GIMAP2: variants seen among roughly 807,000 people sequenced by gnomAD.
GIMAP2 encodes GTPase IMAP family member 2.
In GIMAP2, 22 loss-of-function variants were observed where a neutral mutation model predicts 25.5. That is an observed-to-expected ratio of 0.86 (90% confidence interval 0.62 to 1.23). The LOEUF is 1.23. Ranked by LOEUF, GIMAP2 falls within the 50% of genes most tolerant of loss-of-function variation. The pLI, the probability that GIMAP2 is intolerant of heterozygous loss-of-function variation, is 0.00. For synonymous variants in GIMAP2, 167 were observed against 143.0 expected (o/e 1.17, Z -1.20); for missense variants, 422 against 395.7 (o/e 1.07, Z -0.56).
Position 150,692,807 on chromosome 7 carries a change from C to T in GIMAP2, c.521C>T (p.Ala174Val), listed in dbSNP as rs756154784. Residue 174 changes from alanine to valine, a missense_variant, in exon 3 of 3, where the codon GCA (alanine) becomes GTA (valine). By Grantham distance (64) the Ala-to-Val change is moderately conservative (BLOSUM62 0). Coordinates refer to ENST00000223293, the MANE Select transcript of GIMAP2 (RefSeq NM_015660.3). ...AAAGCCCTAAGCAAGCTGGTGGCAG[C>T]ATGTGGTGGGCGAATCTGTGCCTTT... is the stretch of plus-strand genomic sequence containing the variant. Reference protein sequence around the residue: ...DNKALSKLVAACGGRICAFNN... With the variant: ...DNKALSKLVAVCGGRICAFNN... 1.2e-6 allele frequency: 2 copies of T among 1,614,196 alleles called. No homozygotes were observed. The highest frequency in any genetic ancestry group is 4.5e-5 in the East Asian group (2 of 44,872).
chr7:150,687,847 T>C (rs1339593344), intron 2 of GIMAP2, among the ~76,000 whole-genome samples: 1 of 148,832 alleles, frequency 6.7e-6, no homozygotes, highest in African/African-American at 2.5e-5. Context: ...TATGGGCGTC[T>C]CTCTCTCTGT....
At chr7:150,690,349 C>T (rs1585207444) in intron 2 of GIMAP2, among the ~76,000 whole-genome samples, 2 of 152,254 alleles carry the variant, frequency 1.3e-5, no homozygotes, top group South Asian at 2.1e-4. Context: ...CTCTGGCAAG[C>T]GAAGTTTTCC....
Position 150,693,067 on chromosome 7 carries a change from T to G in GIMAP2, c.781T>G (p.Cys261Gly), listed in dbSNP as rs1444971593. The change falls in exon 3 of 3, where the codon TGC (cysteine) becomes GGC (glycine). Residue 261 changes from cysteine to glycine, a missense_variant. Coordinates refer to ENST00000223293, the MANE Select transcript of GIMAP2 (RefSeq NM_015660.3). Reference sequence around the variant, plus strand: ...TTACACAGCCTTGGCTGAAGCAAACTGCCTAAAAGGAGCCTTAATCAAAAC... The same window carrying G: ...TTACACAGCCTTGGCTGAAGCAAACGGCCTAAAAGGAGCCTTAATCAAAAC... ...RSYTALAEAN[C>G]LKGALIKTQL... 1 of 1,614,032 alleles carries G rather than the reference T, an allele frequency of 6.2e-7. No individual in the cohort carries two copies. The highest frequency in any genetic ancestry group is 1.3e-5 in the African/African-American group (1 of 74,942).
chr7:150,692,739 C>T lies in GIMAP2; in HGVS notation c.453C>T (p.Leu151=), dbSNP rs1350905728. ...TIVLFTHKED[L]NGGSLMDYMH... ...TCCTCTTTACCCACAAGGAAGACCT[C>T]AATGGTGGCTCCCTGATGGATTACA... is the stretch of plus-strand genomic sequence containing the variant. Residue 151 remains leucine (L), a synonymous_variant, in exon 3 of 3, where the codon CTC becomes CTT. Coordinates refer to ENST00000223293, the MANE Select transcript of GIMAP2 (RefSeq NM_015660.3). 2 of 1,614,180 alleles carry T rather than the reference C, an allele frequency of 1.2e-6. No individual in the cohort carries two copies. The highest frequency in any genetic ancestry group is 1.1e-5 in the South Asian group (1 of 91,084).
At chr7:150,689,580 T>C (rs552099451) in intron 2 of GIMAP2, 2 of 702,226 alleles carry the variant, frequency 2.8e-6, no homozygotes, top group Admixed American at 2.0e-5. Flanking sequence ...TTTCAGAATA[T>C]AGAAATGTGT....
At position 150,693,263 on chromosome 7, in the gene GIMAP2, C is replaced by G. The variant is rs746278222; in HGVS notation, c.977C>G (p.Thr326Arg). ...IPKKLMIFLRTVIRLERKTPR... is the reference protein window; with the variant it reads ...IPKKLMIFLRRVIRLERKTPR... Reference sequence around the variant, plus strand: ...AAAAAGTTAATGATATTTTTGAGAACAGTTATTAGACTAGAACGCAAGACT... The same window carrying G: ...AAAAAGTTAATGATATTTTTGAGAAGAGTTATTAGACTAGAACGCAAGACT... The change falls in exon 3 of 3, where the codon ACA (threonine) becomes AGA (arginine). Residue 326 changes from threonine to arginine, a missense_variant. Physicochemically the swap from Thr to Arg is moderately conservative, Grantham distance 71. Coordinates refer to ENST00000223293, the MANE Select transcript of GIMAP2 (RefSeq NM_015660.3). 4.2e-5 allele frequency: 67 copies of G among 1,593,252 alleles called. No individual in the cohort carries two copies. Among genetic ancestry groups the G allele is most frequent in the African/African-American group, 5.4e-5 (4 of 74,376 alleles).
rs1860871 is a variant in GIMAP2 at position 150,692,505 on chromosome 7, T to C, written c.219T>C (p.Ile73=). 0.091 allele frequency: 146,142 copies of C among 1,613,990 alleles called. 7,128 individuals are homozygous for C. The highest frequency in any genetic ancestry group is 0.18 in the East Asian group (8,211 of 44,860). ...AGGGAAGCTGGGGAAATAGAGAGAT[T>C]GTCATTATTGACACACCAGATATGT... The part of the protein sequence containing the change: ...KSQGSWGNRE[I]VIIDTPDMFS... The change falls in exon 3 of 3, where the codon ATT becomes ATC. Residue 73 remains isoleucine (I), a synonymous_variant. Coordinates refer to ENST00000223293, the MANE Select transcript of GIMAP2 (RefSeq NM_015660.3).
intron 2 of GIMAP2, among the ~76,000 whole-genome samples, chr7:150,691,721 A>T (rs1665692163): frequency 6.6e-6 from 1 of 152,090 alleles, no homozygotes; most frequent in African/African-American, 2.4e-5. Context: ...TCTCCAGAAA[A>T]CTTTTCTTCT....
intron 2 of GIMAP2, among the ~76,000 whole-genome samples, chr7:150,688,146 G>A (rs1025163543): frequency 6.6e-5 from 10 of 152,030 alleles, no homozygotes; most frequent in Non-Finnish European, 1.3e-4. Context: ...TTGCGGGGTG[G>A]AGGGAATGGA....
At position 150,685,755 on chromosome 7, in the gene GIMAP2, G is replaced by A. The variant is rs1796893620; in HGVS notation, c.-39G>A. 20 of 984,414 alleles carry A rather than the reference G, an allele frequency of 2.0e-5. No homozygotes were observed. Among genetic ancestry groups the A allele is most frequent in the African/African-American group, 8.7e-5 (5 of 57,300 alleles). The allele number at this position is 984,414 out of a possible 1,614,324, so 61.0% of individuals were successfully genotyped here. ...CTATAAGACAACAGGACTGAACAGG[G>A]AGCCAACTGTTTCTTTGAACAGTAA... On this transcript the variant is annotated 5_prime_UTR_variant, in exon 1 of 3. Transcript: ENST00000223293.
rs35656746 is a variant in GIMAP2 at position 150,687,105 on chromosome 7, C to CGTGTGTGTGTGTGTGT, written c.28+53_28+68dup. Reference sequence around the variant, plus strand: ...TCACTGGGGTAAGAAGGTGACTTCACGTGTGTGTGTGTGTGTGTGTGTGTG... The same window carrying CGTGTGTGTGTGTGTGT: ...TCACTGGGGTAAGAAGGTGACTTCACGTGTGTGTGTGTGTGTGTGTGTGTGTGTGTGTGTGTGTGTG... On this transcript the variant is annotated intron_variant, in intron 2 of 2. Transcript: ENST00000223293. 1.0e-4 allele frequency: 127 copies of CGTGTGTGTGTGTGTGT among 1,269,326 alleles called. No individual in the cohort carries two copies. In the African/African-American group the frequency reaches 2.0e-3, roughly 20 times the overall value. The allele number at this position is 1,269,326 out of a possible 1,614,324, so 78.6% of individuals were successfully genotyped here. A position where few individuals can be genotyped will look rare whatever the true frequency, so the allele number is the denominator to read the frequency against.
chr7:150,689,655 T>A, intron 2 of GIMAP2: 1 of 646,476 alleles, frequency 1.5e-6, no homozygotes. Context: ...GGCCATAATT[T>A]CACTGGCCTA....
In GIMAP2 at chr7:150,692,355, G is replaced by A. The variant is rs1796976032; in HGVS notation, c.69G>A (p.Leu23=). The A allele has an allele frequency of 6.2e-7, 1 of 1,614,068 alleles. No individual in the cohort carries two copies. The highest frequency in any genetic ancestry group is 8.5e-7 in the Non-Finnish European group (1 of 1,180,016). ...AKGQCASRSE[L]RIILVGKTGT... The stretch of plus-strand genomic sequence containing the variant: ...GCCAATGTGCCAGCAGATCTGAGCT[G>A]AGAATCATCCTGGTGGGCAAAACAG... The change falls in exon 3 of 3, where the codon CTG becomes CTA. Residue 23 remains leucine (L), a synonymous_variant. Coordinates refer to ENST00000223293, the MANE Select transcript of GIMAP2 (RefSeq NM_015660.3).
chr7:150,690,286 G>A (rs1485833620), intron 2 of GIMAP2, among the ~76,000 whole-genome samples: 1 of 152,120 alleles, frequency 6.6e-6, no homozygotes, highest in African/African-American at 2.4e-5. Flanking sequence ...AGTTTGCAGT[G>A]TTCCATGAAT....
rs368735702 is a variant in GIMAP2, at chr7:150,692,339, C to A, written c.53C>A (p.Ala18Asp). 1.2e-5 allele frequency: 20 copies of A among 1,613,748 alleles called. No individual in the cohort carries two copies. The Middle Eastern group carries it at 6.6e-4, about 53-fold the overall frequency. Residue 18 changes from alanine to aspartate, a missense_variant, in exon 3 of 3, where the codon GCC becomes GAC. Coordinates refer to ENST00000223293, the MANE Select transcript of GIMAP2 (RefSeq NM_015660.3). ...GGACCACATGCAAAGGGCCAATGTG[C>A]CAGCAGATCTGAGCTGAGAATCATC... ...HWGPHAKGQC[A>D]SRSELRIILV... is the part of the protein sequence containing the mutation.
intron 2 of GIMAP2, among the ~76,000 whole-genome samples, chr7:150,688,602 T>G (rs777438180): frequency 2.0e-5 from 3 of 152,318 alleles, no homozygotes; most frequent in South Asian, 2.1e-4. Flanking sequence ...TACCTCAGCC[T>G]CAGCCTGAAC....
chr7:150,689,851 G>C (rs1796946260), intron 2 of GIMAP2: 1 of 329,774 alleles, frequency 3.0e-6, no homozygotes, highest in Non-Finnish European at 5.5e-6. Context: ...TGGGCTCTAA[G>C]TTATTGGGCA....
chr7:150,689,845 C>T lies in GIMAP2; in HGVS notation c.29-2470C>T, dbSNP rs999426094. On this transcript the variant is annotated intron_variant, in intron 2 of 2. Transcript: ENST00000223293. ...TACAAAACTGGTTACTTTTAATGGG[C>T]TCTAAGTTATTGGGCAAGTTGCAGA... is the stretch of plus-strand genomic sequence containing the variant. The T allele has an allele frequency of 8.9e-5, 30 of 335,686 alleles. 1 individual carries two copies. The South Asian group carries it at 9.1e-4, about 10-fold the overall frequency. The allele number at this position is 335,686 out of a possible 1,614,324, so 20.8% of individuals were successfully genotyped here.
intron 1 of GIMAP2, among the ~76,000 whole-genome samples, chr7:150,686,504 A>G (rs185896795): frequency 6.3e-4 from 96 of 152,266 alleles, no homozygotes; most frequent in Non-Finnish European, 9.9e-4. Context: ...AGAAAGCGAG[A>G]GAGAGCTGGG....
Sources: allele counts gnomAD v4.1 joint callset (sites outside exome capture counted in the v4.1 genomes callset), GRCh38; gene constraint gnomAD v4.1.1; transcripts MANE v1.5; gene names NCBI Gene and HGNC (gene_info 2026-07-23, HGNC 2026-07-21).